The following CHSY3 variants were observed in gnomAD, a reference collection of about 807,000 sequenced individuals.
CHSY3 encodes the protein chondroitin sulfate synthase 3.
CHSY3 carries 35 observed loss-of-function variants against 67.2 expected under a neutral mutation model. The ratio of observed to expected loss-of-function variants is 0.52; its 90% CI spans 0.40 to 0.69. CHSY3 has a LOEUF of 0.69. CHSY3 is among the 30% of genes least tolerant of loss of function. CHSY3 has a pLI of 0.00. For missense variants in CHSY3, 1,069 were observed against 1,138.5 expected (o/e 0.94, Z 0.88); for synonymous variants, 474 against 434.7 (o/e 1.09, Z -1.12).
intron 2 of CHSY3, among the ~76,000 whole-genome samples, chr5:130,124,195 T>C (rs902503405): frequency 6.6e-6 from 1 of 152,178 alleles, no homozygotes; most frequent in African/African-American, 2.4e-5. Flanking sequence ...AACAACAGGA[T>C]GTGAGCCGTG....
chr5:129,999,553 AG>A (rs1476545579), intron 2 of CHSY3, among the ~76,000 whole-genome samples: 1 of 152,094 alleles, frequency 6.6e-6, no homozygotes, highest in African/African-American at 2.4e-5. Context: ...CAATGTTGAG[AG>A]GGTGCTGAAT....
At chr5:129,908,845 T>C (rs1252916443) in intron 2 of CHSY3, among the ~76,000 whole-genome samples, 2 of 152,130 alleles carry the variant, frequency 1.3e-5, no homozygotes, top group African/African-American at 4.8e-5. Flanking sequence ...AAATTTAACA[T>C]ATTTTTAAAA....
chr5:130,003,545 A>G (rs1763793500), intron 2 of CHSY3, among the ~76,000 whole-genome samples: 1 of 152,154 alleles, frequency 6.6e-6, no homozygotes, highest in Admixed American at 6.5e-5. Flanking sequence ...AGAGGATTCC[A>G]TTTGTATTCT....
chr5:129,919,703 T>C (rs1760854682), intron 2 of CHSY3, among the ~76,000 whole-genome samples: 1 of 152,152 alleles, frequency 6.6e-6, no homozygotes. Context: ...GTGGGAATTA[T>C]AGGAGCTACA....
At chr5:129,933,210 G>A (rs550117125) in intron 2 of CHSY3, among the ~76,000 whole-genome samples, 5 of 152,126 alleles carry the variant, frequency 3.3e-5, no homozygotes, top group Non-Finnish European at 7.4e-5. Context: ...GTGACCCGGT[G>A]CAAACTCTGT....
intron 2 of CHSY3, among the ~76,000 whole-genome samples, chr5:129,950,193 G>T (rs1761986349): frequency 6.6e-6 from 1 of 150,664 alleles, no homozygotes; most frequent in Non-Finnish European, 1.5e-5. Context: ...ATCATATGAT[G>T]AATAGATGCA....
intron 2 of CHSY3, among the ~76,000 whole-genome samples, chr5:130,059,641 C>T (rs1466852635): frequency 6.6e-6 from 1 of 152,066 alleles, no homozygotes; most frequent in African/African-American, 2.4e-5. Context: ...GTCCCAAGTT[C>T]CAGGGATTTG....
At chr5:130,087,505 C>G (rs1766691689) in intron 2 of CHSY3, among the ~76,000 whole-genome samples, 1 of 151,522 alleles carries the variant, frequency 6.6e-6, no homozygotes, top group Non-Finnish European at 1.5e-5. Flanking sequence ...AGCTGATAAG[C>G]AACTTCAGCA....
intron 2 of CHSY3, among the ~76,000 whole-genome samples, chr5:130,174,843 T>C (rs1769996477): frequency 6.6e-6 from 1 of 152,142 alleles, no homozygotes; most frequent in African/African-American, 2.4e-5. Flanking sequence ...CAAGGTCACA[T>C]GTTTATTAAG....
intron 2 of CHSY3, among the ~76,000 whole-genome samples, chr5:129,922,158 C>T (rs1354512454): frequency 3.3e-5 from 5 of 152,152 alleles, no homozygotes; most frequent in South Asian, 4.1e-4. Flanking sequence ...TTGCAAATGA[C>T]GGGATTTCAT....
intron 2 of CHSY3, among the ~76,000 whole-genome samples, chr5:130,113,586 G>A (rs1767665866): frequency 6.6e-6 from 1 of 152,154 alleles, no homozygotes; most frequent in African/African-American, 2.4e-5. Flanking sequence ...TTGGCACAGA[G>A]TAGGGGTCTG....
In CHSY3 at chr5:130,069,905, T is replaced by C. The variant is rs141990004; in HGVS notation, c.1087-114324T>C. ...AATGATTAAGTACATTTGATAATTTTCATATCTCACTAGGAGGTACTTTAT... is the reference window on the plus strand; with the variant it reads ...AATGATTAAGTACATTTGATAATTTCCATATCTCACTAGGAGGTACTTTAT... On this transcript the variant is annotated intron_variant, in intron 2 of 2. Coordinates refer to ENST00000305031, the MANE Select transcript of CHSY3 (RefSeq NM_175856.5). Among the ~76,000 whole-genome samples, 9 of 152,220 alleles carry C rather than the reference T, an allele frequency of 5.9e-5. No individual in the cohort carries two copies. In the East Asian group the frequency reaches 1.7e-3, roughly 29 times the overall value.
intron 2 of CHSY3, among the ~76,000 whole-genome samples, chr5:130,148,846 G>A (rs920703037): frequency 2.0e-5 from 3 of 152,106 alleles, no homozygotes; most frequent in Non-Finnish European, 2.9e-5. Flanking sequence ...TCTGTGGGTT[G>A]TCCGGTGACT....
At chr5:129,969,261 G>C (rs886794664) in intron 2 of CHSY3, among the ~76,000 whole-genome samples, 1 of 151,704 alleles carries the variant, frequency 6.6e-6, no homozygotes, top group Non-Finnish European at 1.5e-5. Flanking sequence ...AAATAAGTTG[G>C]TATAAGATTG....
At chr5:129,922,321 A>G (rs948226456) in intron 2 of CHSY3, among the ~76,000 whole-genome samples, 1 of 152,250 alleles carries the variant, frequency 6.6e-6, no homozygotes, top group African/African-American at 2.4e-5. Context: ...TCTTCAATGT[A>G]CTGATAACAT....
chr5:129,921,673 ATTTC>A (rs999554203), intron 2 of CHSY3, among the ~76,000 whole-genome samples: 33 of 152,020 alleles, frequency 2.2e-4, no homozygotes, highest in African/African-American at 8.0e-4. Context: ...AGATGAGAGA[ATTTC>A]TTCTATTTTT....
intron 2 of CHSY3, among the ~76,000 whole-genome samples, chr5:129,959,137 G>T (rs186179367): frequency 1.3e-5 from 2 of 151,662 alleles, no homozygotes; most frequent in Non-Finnish European, 2.9e-5. Flanking sequence ...AACGTATTTC[G>T]CATTTACTAG....
Position 130,031,183 on chromosome 5 carries a change from G to T in CHSY3, c.1086+122823G>T, listed in dbSNP as rs183391492. On this transcript the variant is annotated intron_variant, in intron 2 of 2. Coordinates refer to ENST00000305031, the MANE Select transcript of CHSY3 (RefSeq NM_175856.5). Reference sequence around the variant, plus strand: ...AAAAAAAGATGAAGACTGGGATTCTGCTTCTCTGGATGTGTATCCTGATGA... The same window carrying T: ...AAAAAAAGATGAAGACTGGGATTCTTCTTCTCTGGATGTGTATCCTGATGA... Among the ~76,000 whole-genome samples the T allele has an allele frequency of 3.2e-3, 485 of 152,042 alleles. 1 individual carries two copies. Among genetic ancestry groups the T allele is most frequent in the Non-Finnish European group, 4.2e-3 (286 of 67,936 alleles).
At chr5:130,097,213 C>T (rs1019825700) in intron 2 of CHSY3, among the ~76,000 whole-genome samples, 4 of 152,238 alleles carry the variant, frequency 2.6e-5, no homozygotes, top group African/African-American at 9.6e-5. Flanking sequence ...CCTAGGTAAC[C>T]CACTGTGTTT....
Sources: allele counts gnomAD v4.1 joint callset (sites outside exome capture counted in the v4.1 genomes callset), GRCh38; gene constraint gnomAD v4.1.1; transcripts MANE v1.5; gene names NCBI Gene and HGNC (gene_info 2026-07-23, HGNC 2026-07-21).